Variants in COG8 observed in about 807,000 individuals in gnomAD.
COG8 encodes the protein component of oligomeric golgi complex 8.
Under a neutral mutation model 46.5 loss-of-function variants are expected in COG8, and 45 were observed. The ratio of observed to expected loss-of-function variants is 0.97; its 90% CI spans 0.76 to 1.24. The LOEUF (loss-of-function observed/expected upper bound fraction) is 1.24, where lower values mean the gene tolerates loss of function less well. Ranked by LOEUF, COG8 falls within the 50% of genes most tolerant of loss-of-function variation. The pLI is 0.00. For synonymous variants in COG8, 407 were observed against 347.8 expected (o/e 1.17, Z -1.90); for missense variants, 793 against 820.8 (o/e 0.97, Z 0.41).
Position 69,339,342 on chromosome 16 carries a change from C to T in COG8, c.211G>A (p.Glu71Lys). 2 of 1,602,542 alleles carry T rather than the reference C, an allele frequency of 1.2e-6. No homozygotes were observed. The highest frequency in any genetic ancestry group is 1.7e-6 in the Non-Finnish European group (2 of 1,176,686). ...GTCTGCTGCAGCAGCTGCGCCCGCT[C>T]CTCCGCCAGGCGCTCGGGCTCGCGC... ...LRREPERLAE[E>K]RAQLLQQTRD... The change falls in exon 1 of 6, where the codon GAG (glutamate) becomes AAG (lysine). Residue 71 changes from glutamate to lysine, a missense_variant. Physicochemically the swap from Glu to Lys is moderately conservative, Grantham distance 56. Coordinates refer to ENST00000306875, the MANE Select transcript of COG8 (RefSeq NM_032382.5).
rs1221195469 is a variant in COG8 at position 69,329,067 on chromosome 16, GT to G, written c.*138del. The G allele has an allele frequency of 6.2e-7, 1 of 1,611,860 alleles. No homozygotes were observed. Among genetic ancestry groups the G allele is most frequent in the African/African-American group, 1.3e-5 (1 of 74,888 alleles). On this transcript the variant is annotated 3_prime_UTR_variant, in exon 6 of 6. Transcript: ENST00000306875. ...AATAGACGTTTGTGAACGTCCTGCT[GT>G]CCATTTTGTCAATAAACAGGCAGCC...
At chr16:69,332,645 AATGG>A (rs2011952732) in intron 4 of COG8, 65 bp downstream of exon 4, 2 of 1,386,522 alleles carry the variant, frequency 1.4e-6, no homozygotes, top group Middle Eastern at 1.9e-4. Flanking sequence ...GACTTACACA[AATGG>A]ATGAATTATT....
rs144045802 is a variant in COG8, at chr16:69,331,141, A to G, written c.1583-46T>C. On this transcript the variant is annotated intron_variant, in intron 4 of 5. Transcript: ENST00000306875. ...GCAAAATGGAAAACAGTTACTAATA[A>G]AACTCAATATAGAAATTTAAGGGAG... 2.5e-6 allele frequency: 4 copies of G among 1,608,364 alleles called. No individual in the cohort carries two copies. The South Asian group carries it at 4.4e-5, about 18-fold the overall frequency.
At chr16:69,330,716 G>A (rs1034700320) in intron 5 of COG8, 97 bp downstream of exon 5, 4 of 1,409,830 alleles carry the variant, frequency 2.8e-6, no homozygotes, top group Non-Finnish European at 3.7e-6. Context: ...GCCCCCTTCC[G>A]CTCTCCTCCC....
chr16:69,339,262 G>A lies in COG8; in HGVS notation c.291C>T (p.Thr97=). 6.2e-7 allele frequency: 1 copy of A among 1,612,610 alleles called. No homozygotes were observed. The highest frequency in any genetic ancestry group is 8.5e-7 in the Non-Finnish European group (1 of 1,179,778). Residue 97 remains threonine (T), a synonymous_variant, in exon 1 of 6, where the codon ACC becomes ACT. Transcript: ENST00000306875. ...YKTFIRGAEC[T]ERIHRLFGDV... Reference sequence around the variant, plus strand: ...CGCCAAACAGGCGGTGGATGCGCTCGGTGCACTCGGCGCCGCGGATGAAGG... The same window carrying A: ...CGCCAAACAGGCGGTGGATGCGCTCAGTGCACTCGGCGCCGCGGATGAAGG...
rs1198648310 is a variant in COG8 at position 69,334,668 on chromosome 16, C to T, written c.1266G>A (p.Thr422=). The part of the protein sequence containing the change: ...PAAVPATQPG[T]LQPPMVLLDF... Reference sequence around the variant, plus strand: ...CTAGGAGCACCATGGGTGGCTGCAGCGTCCCCGGCTGGGTGGCTGGCACAG... The same window carrying T: ...CTAGGAGCACCATGGGTGGCTGCAGTGTCCCCGGCTGGGTGGCTGGCACAG... The change falls in exon 3 of 6, where the codon ACG becomes ACA. Residue 422 remains threonine, a synonymous_variant. Coordinates refer to ENST00000306875, the MANE Select transcript of COG8 (RefSeq NM_032382.5). 3 of 1,614,198 alleles carry T rather than the reference C, an allele frequency of 1.9e-6. No individual in the cohort carries two copies. Among genetic ancestry groups the T allele is most frequent in the Non-Finnish European group, 2.5e-6 (3 of 1,180,038 alleles).
At chr16:69,330,498 C>T (rs1279013403) in intron 5 of COG8, 12 of 1,472,742 alleles carry the variant, frequency 8.1e-6, no homozygotes, top group South Asian at 6.5e-5. Flanking sequence ...CGGACACCGA[C>T]GGCTGCCGCC....
Position 69,329,020 on chromosome 16 carries a change from C to G in COG8, c.*186G>C, listed in dbSNP as rs1965690800. On this transcript the variant is annotated 3_prime_UTR_variant, in exon 6 of 6. Coordinates refer to ENST00000306875, the MANE Select transcript of COG8 (RefSeq NM_032382.5). The stretch of plus-strand genomic sequence containing the variant: ...GGAATCCTCAGCCCCAGTAGCAAAG[C>G]TTTAGTCATTCACCTTCATCCAATA... 1 of 1,606,036 alleles carries G rather than the reference C, an allele frequency of 6.2e-7. No individual in the cohort carries two copies. The highest frequency in any genetic ancestry group is 2.3e-5 in the East Asian group (1 of 44,320).
Position 69,331,043 on chromosome 16 carries a change from G to T in COG8, c.1635C>A (p.Ile545=), listed in dbSNP as rs2011789777. Residue 545 remains isoleucine (I), a synonymous_variant, in exon 5 of 6, where the codon ATC becomes ATA. Coordinates refer to ENST00000306875, the MANE Select transcript of COG8 (RefSeq NM_032382.5). ...AGGCGAGGGGCTCCTGAATGGCGCC[G>T]ATGTTCACATGCCCTAGGTTACCGT... ...SKYGNLGHVN[I]GAIQEPLAFI... The T allele has an allele frequency of 3.7e-6, 6 of 1,613,912 alleles. No homozygotes were observed. The highest frequency in any genetic ancestry group is 5.1e-6 in the Non-Finnish European group (6 of 1,179,932).
In COG8 at chr16:69,329,186, AG is replaced by A. The variant is rs747664014; in HGVS notation, c.*27-8del. Reference sequence around the variant, plus strand: ...TCTCCATTGGGGTCCAGCCCTGCAAAGGAAGTTACAGCCCTGGTGAGTGGGA... The same window carrying A: ...TCTCCATTGGGGTCCAGCCCTGCAAAGAAGTTACAGCCCTGGTGAGTGGGA... On this transcript the variant is annotated splice_polypyrimidine_tract_variant and splice_region_variant and intron_variant, in intron 5 of 5. Transcript: ENST00000306875. 448 of 1,587,136 alleles carry A rather than the reference AG, an allele frequency of 2.8e-4. 2 individuals are homozygous for A. In the African/African-American group the frequency reaches 4.9e-3, roughly 17 times the overall value.
rs922279004 is a variant in COG8 at position 69,330,879 on chromosome 16, C to T, written c.1799G>A (p.Arg600Gln). 5.8e-6 allele frequency: 9 copies of T among 1,546,688 alleles called. No homozygotes were observed. The African/African-American group carries it at 8.2e-5, about 14-fold the overall frequency. ...GGGCGGTTCGGCCTGCGTCTCCGCT[C>T]GCCCTCCCTCCGGGCAGGCTGGGCC... ...PAGPACPEGGRAETQAEPPSV... is the reference protein window; with the variant it reads ...PAGPACPEGGQAETQAEPPSV... Residue 600 changes from arginine (R) to glutamine (Q), a missense_variant, in exon 5 of 6, where the codon CGA becomes CAA. Coordinates refer to ENST00000306875, the MANE Select transcript of COG8 (RefSeq NM_032382.5).
At chr16:69,331,627 G>A (rs766587297) in intron 4 of COG8, among the ~76,000 whole-genome samples, 1 of 151,486 alleles carries the variant, frequency 6.6e-6, no homozygotes, top group Non-Finnish European at 1.5e-5. Context: ...CTCAGCCTCC[G>A]TGGTAGCTGG....
chr16:69,332,263 T>C (rs1299543014), intron 4 of COG8, among the ~76,000 whole-genome samples: 1 of 152,048 alleles, frequency 6.6e-6, no homozygotes, highest in Non-Finnish European at 1.5e-5. Flanking sequence ...GGCAGGAGAA[T>C]TGCTTGAACC....
intron 1 of COG8, among the ~76,000 whole-genome samples, chr16:69,338,747 T>A (rs1407358246): frequency 6.6e-6 from 1 of 152,228 alleles, no homozygotes; most frequent in Non-Finnish European, 1.5e-5. Context: ...CCCAGCGCTT[T>A]GGGAGGCCGA....
At chr16:69,330,226 C>T (rs1238627727) in intron 5 of COG8, 3 of 1,452,310 alleles carry the variant, frequency 2.1e-6, no homozygotes, top group Non-Finnish European at 9.0e-7. Context: ...GCACCCCCAG[C>T]TGCGGCGCGC....
In COG8 at chr16:69,326,479, G is replaced by C. The variant is rs2143281439; in HGVS notation, c.*2727C>G. 1 of 152,340 alleles carries C rather than the reference G, an allele frequency of 6.6e-6. No individual in the cohort carries two copies. Among genetic ancestry groups the C allele is most frequent in the Non-Finnish European group, 1.5e-5 (1 of 68,040 alleles). 9.4% of individuals were successfully genotyped at this position (152,340 alleles called of 1,614,324 possible). ...CTTCTAGTTACATTTACTTGAATCA[G>C]AACGTTGTTTCCTCATTCCTACTGC... On this transcript the variant is annotated 3_prime_UTR_variant, in exon 6 of 6. Coordinates refer to ENST00000306875, the MANE Select transcript of COG8 (RefSeq NM_032382.5).
In COG8 at chr16:69,338,938, G is replaced by A. The variant is rs115989181; in HGVS notation, c.377+238C>T. 2,226 of 579,192 alleles carry A rather than the reference G, an allele frequency of 3.8e-3. 44 individuals are homozygous for A. Among genetic ancestry groups the A allele is most frequent in the African/African-American group, 0.035 (1,855 of 52,312 alleles). 35.9% of individuals were successfully genotyped at this position (579,192 alleles called of 1,614,324 possible). A position where few individuals can be genotyped will look rare whatever the true frequency, so the allele number is the denominator to read the frequency against. ...CCAGGAGGCAGAGGTAGGTTGCAGC[G>A]AGCCGAGATCTCGCCACTGCACTCC... On this transcript the variant is annotated intron_variant, in intron 1 of 5. Transcript: ENST00000306875.
At chr16:69,336,387 T>C in intron 2 of COG8, 118 bp downstream of exon 2, 2 of 888,956 alleles carry the variant, frequency 2.2e-6, no homozygotes, top group Non-Finnish European at 1.8e-6. Context: ...CAGGCATACC[T>C]GGCTGGCAGA....
At chr16:69,331,158 T>C (rs1273168037) in intron 4 of COG8, 63 bp from the exon 5 acceptor site, 35 of 1,591,040 alleles carry the variant, frequency 2.2e-5, no homozygotes, top group Admixed American at 1.0e-4. Context: ...ATATAGAAAT[T>C]TAAGGGAGGC....
Sources: gnomAD v4.1 joint callset for allele counts (sites outside exome capture counted in the v4.1 genomes callset) on GRCh38, gnomAD v4.1.1 for gene constraint, MANE v1.5 for transcripts, NCBI Gene and HGNC (gene_info 2026-07-23, HGNC 2026-07-21) for gene names.